Variants in CNTNAP4 observed in about 807,000 individuals in gnomAD.
CNTNAP4 encodes the protein contactin associated protein family member 4, also known as contactin-associated protein-like 4.
Under a neutral mutation model 148.4 loss-of-function variants are expected in CNTNAP4, and 98 were observed. That is an observed-to-expected ratio of 0.66 (90% CI 0.56 to 0.78). CNTNAP4 has a LOEUF of 0.78. Among genes scored for constraint, CNTNAP4 ranks in the 30% least tolerant of loss-of-function variants. CNTNAP4 has a pLI of 0.00. For missense variants in CNTNAP4, 1,935 were observed against 1,565.6 expected, an observed-to-expected ratio of 1.24 and a Z score of -3.98; for synonymous variants, 730 against 565.1, an observed-to-expected ratio of 1.29 and a Z score of -4.14.
chr16:76,324,840 G>C (rs1320398194), intron 2 of CNTNAP4, among the ~76,000 whole-genome samples: 2 of 152,038 alleles, frequency 1.3e-5, no homozygotes, highest in Non-Finnish European at 2.9e-5. Context: ...ATCATATCAT[G>C]AGTGGCCCAC....
Position 76,558,608 on chromosome 16 carries a change from T to G in CNTNAP4, c.3852T>G (p.Ser1284Arg). 6.2e-7 allele frequency: 1 copy of G among 1,613,478 alleles called. No individual in the cohort carries two copies. Among genetic ancestry groups the G allele is most frequent in the Non-Finnish European group, 8.5e-7 (1 of 1,179,588 alleles). ...SEAKRSENVD[S>R]AEAVLKSELN... ...CAAAAAGGTCAGAGAATGTAGACAG[T>G]GCTGAGGCTGTTCTGAAAAGTGAGC... The change falls in exon 24 of 24, where the codon AGT (serine) becomes AGG (arginine). Residue 1284 changes from serine to arginine, a missense_variant. Coordinates refer to ENST00000611870, the MANE Select transcript of CNTNAP4 (RefSeq NM_033401.5).
intron 21 of CNTNAP4, among the ~76,000 whole-genome samples, chr16:76,551,395 T>TAA (rs746520267): frequency 1.5e-3 from 214 of 140,950 alleles, no homozygotes; most frequent in East Asian, 3.6e-3. Context: ...GAGAGTCTGT[T>TAA]AAAAAAAAAA....
intron 3 of CNTNAP4, among the ~76,000 whole-genome samples, chr16:76,373,211 C>A (rs1236118601): frequency 6.7e-6 from 1 of 149,888 alleles, no homozygotes; most frequent in East Asian, 2.0e-4. Flanking sequence ...GAATATATTC[C>A]ACATAAATAG....
In CNTNAP4 at chr16:76,367,797, A is replaced by C. The variant is rs145546436; in HGVS notation, c.390+12286A>C. Among the ~76,000 whole-genome samples, 45 of 152,342 alleles carry C rather than the reference A, an allele frequency of 3.0e-4. 1 individual carries two copies. The East Asian group carries it at 4.1e-3, about 14-fold the overall frequency. On this transcript the variant is annotated intron_variant, in intron 3 of 23. Transcript: ENST00000611870. ...GTGGGTGTCGCCACCACACATCAGG[A>C]AAGCCATCAGCTCCAGGGGTCCTTC... is the stretch of plus-strand genomic sequence containing the variant.
At chr16:76,460,528 G>T (rs896578504) in intron 8 of CNTNAP4, among the ~76,000 whole-genome samples, 1 of 147,996 alleles carries the variant, frequency 6.8e-6, no homozygotes, top group African/African-American at 2.5e-5. Context: ...TTGGGAAGCC[G>T]AGGCGGGTGG....
intron 1 of CNTNAP4, among the ~76,000 whole-genome samples, chr16:76,313,256 C>A (rs1210282467): frequency 6.6e-6 from 1 of 152,138 alleles, no homozygotes; most frequent in African/African-American, 2.4e-5. Context: ...GGCATTACAT[C>A]CAAAACATCG....
At chr16:76,415,236 A>G (rs2078933727) in intron 3 of CNTNAP4, among the ~76,000 whole-genome samples, 1 of 151,172 alleles carries the variant, frequency 6.6e-6, no homozygotes, top group Non-Finnish European at 1.5e-5. Flanking sequence ...CTGTTTCCTC[A>G]TTTATACATC....
At chr16:76,357,174 A>G (rs1323229102) in intron 3 of CNTNAP4, among the ~76,000 whole-genome samples, 1 of 152,210 alleles carries the variant, frequency 6.6e-6, no homozygotes, top group East Asian at 1.9e-4. Flanking sequence ...TGAACCAATA[A>G]CAATAAAAAC....
At chr16:76,452,160 C>G (rs1040624762) in intron 7 of CNTNAP4, among the ~76,000 whole-genome samples, 3 of 151,300 alleles carry the variant, frequency 2.0e-5, no homozygotes, top group African/African-American at 7.3e-5. Context: ...TTCATTGGAA[C>G]AATGTATTTG....
chr16:76,311,679 T>C (rs1961131036), intron 1 of CNTNAP4, among the ~76,000 whole-genome samples: 1 of 152,190 alleles, frequency 6.6e-6, no homozygotes, highest in Non-Finnish European at 1.5e-5. Context: ...GAGAGTGATG[T>C]TCATTTCTTC....
intron 5 of CNTNAP4, among the ~76,000 whole-genome samples, chr16:76,448,436 T>C (rs758594468): frequency 6.6e-6 from 1 of 152,168 alleles, no homozygotes; most frequent in Non-Finnish European, 1.5e-5. Context: ...TAGAACCATA[T>C]AGCTATTTTC....
intron 2 of CNTNAP4, among the ~76,000 whole-genome samples, chr16:76,353,945 C>A (rs563464041): frequency 6.6e-6 from 1 of 152,286 alleles, no homozygotes; most frequent in African/African-American, 2.4e-5. Flanking sequence ...TGAATTAGGT[C>A]TTGTACTCAA....
chr16:76,323,420 G>A (rs1962637053), intron 2 of CNTNAP4, among the ~76,000 whole-genome samples: 1 of 152,034 alleles, frequency 6.6e-6, no homozygotes, highest in Non-Finnish European at 1.5e-5. Context: ...GATCAGTGAT[G>A]TATCACTTGT....
At chr16:76,434,876 G>C (rs938524054) in intron 4 of CNTNAP4, among the ~76,000 whole-genome samples, 1 of 152,154 alleles carries the variant, frequency 6.6e-6, no homozygotes, top group East Asian at 1.9e-4. Flanking sequence ...AGTCACACTT[G>C]AGCTAGAACT....
intron 3 of CNTNAP4, among the ~76,000 whole-genome samples, chr16:76,372,925 G>T (rs1173100336): frequency 6.6e-6 from 1 of 152,130 alleles, no homozygotes; most frequent in African/African-American, 2.4e-5. Context: ...GAAACTCCAT[G>T]CTTTGTTGCT....
At position 76,381,553 on chromosome 16, in the gene CNTNAP4, A is replaced by G. The variant is rs868109616; in HGVS notation, c.390+26042A>G. ...CTTCCTTCAGGTGATCGTCAATTTC[A>G]TCTAGATAACCCTTCAAGGGTAAAA... is the stretch of plus-strand genomic sequence containing the variant. On this transcript the variant is annotated intron_variant, in intron 3 of 23. Transcript: ENST00000611870. 5.3e-4 allele frequency among the ~76,000 whole-genome samples: 81 copies of G among 152,268 alleles called. 1 individual carries two copies. Among genetic ancestry groups the G allele is most frequent in the South Asian group, 6.2e-4 (3 of 4,826 alleles).
At position 76,452,670 on chromosome 16, in the gene CNTNAP4, C is replaced by G. The variant is rs1400810995; in HGVS notation, c.1234C>G (p.Leu412Val). The part of the protein sequence containing the change: ...NKAGLLLFSE[L>V]QLISGGILLF... ...GGCAGGGCTTCTGCTGTTCAGTGAA[C>G]TTCAGCTGATTTCAGGGGGTATCCT... Residue 412 changes from leucine to valine, a missense_variant, in exon 8 of 24, where the codon CTT (leucine) becomes GTT (valine). By Grantham distance (32) the Leu-to-Val change is conservative (BLOSUM62 1). Transcript: ENST00000611870. The G allele has an allele frequency of 3.1e-6, 5 of 1,613,738 alleles. No individual in the cohort carries two copies. In the Admixed American group the frequency reaches 8.3e-5, roughly 27 times the overall value.
chr16:76,487,604 G>T (rs1031931838), intron 12 of CNTNAP4, among the ~76,000 whole-genome samples: 3 of 152,112 alleles, frequency 2.0e-5, no homozygotes, highest in Admixed American at 2.0e-4. Flanking sequence ...GGCTTTTAAG[G>T]CACCTATCTC....
intron 2 of CNTNAP4, among the ~76,000 whole-genome samples, chr16:76,336,201 A>G (rs1157574194): frequency 6.6e-6 from 1 of 152,006 alleles, no homozygotes; most frequent in Admixed American, 6.6e-5. Flanking sequence ...TTGGGTTGGG[A>G]AAAAAAATGC....
Sources: allele counts gnomAD v4.1 joint callset (sites outside exome capture counted in the v4.1 genomes callset), GRCh38; gene constraint gnomAD v4.1.1; transcripts MANE v1.5; gene names NCBI Gene and HGNC (gene_info 2026-07-23, HGNC 2026-07-21).